The following HSPA14 variants were observed in gnomAD, a reference collection of about 807,000 sequenced individuals.
HSPA14 encodes heat shock protein family A (Hsp70) member 14.
A neutral mutation model predicts 65.5 loss-of-function variants in HSPA14; 37 were observed. The ratio of observed to expected loss-of-function variants is 0.56; its 90% confidence interval spans 0.43 to 0.74. The LOEUF is 0.74. HSPA14 is among the 30% of genes least tolerant of loss of function. HSPA14 has a pLI of 0.00. For missense variants in HSPA14, 564 were observed against 607.6 expected (o/e 0.93, Z 0.75); for synonymous variants, 203 against 214.2 (o/e 0.95, Z 0.46).
chr10:14,871,682 A>G lies in HSPA14; in HGVS notation c.*76A>G. 1 of 752,382 alleles carries G rather than the reference A, an allele frequency of 1.3e-6. No homozygotes were observed. The highest frequency in any genetic ancestry group is 2.2e-6 in the Non-Finnish European group (1 of 446,224). The allele number at this position is 752,382 out of a possible 1,614,324, so 46.6% of individuals were successfully genotyped here. ...TTTGTGTATAAGTGGTGTTTGTATT[A>G]AAATACTTTTTCAATGAACTGTATA... is the stretch of plus-strand genomic sequence containing the variant. On this transcript the variant is annotated 3_prime_UTR_variant, in exon 14 of 14. Coordinates refer to ENST00000378372, the MANE Select transcript of HSPA14 (RefSeq NM_016299.4).
At chr10:14,870,464 G>A in intron 12 of HSPA14, 133 bp from the exon 13 acceptor site, 1 of 922,964 alleles carries the variant, frequency 1.1e-6, no homozygotes, top group South Asian at 1.7e-5. Context: ...AGTGGTAGGA[G>A]AATTGAAAAC....
At chr10:14,858,718 G>A (rs367937521) in intron 10 of HSPA14, among the ~76,000 whole-genome samples, 4 of 152,298 alleles carry the variant, frequency 2.6e-5, no homozygotes, top group African/African-American at 7.2e-5. Context: ...ATCCTCTTAC[G>A]GGGAACGGGG....
rs1240083430 is a variant in HSPA14, at chr10:14,838,424, C to G, written c.22C>G (p.Leu8Val). The G allele has an allele frequency of 1.2e-6, 2 of 1,606,542 alleles. No individual in the cohort carries two copies. The highest frequency in any genetic ancestry group is 2.2e-5 in the South Asian group (2 of 90,028). MAAIGVH[L>V]GCTSACVAVY... is the part of the protein sequence containing the mutation. ...CCTCATGGCGGCCATCGGAGTTCACCTGGGCTGCACCTCAGCCTGTGTGGC... is the reference window on the plus strand; with the variant it reads ...CCTCATGGCGGCCATCGGAGTTCACGTGGGCTGCACCTCAGCCTGTGTGGC... The change falls in exon 1 of 14, where the codon CTG becomes GTG. Residue 8 changes from leucine (L) to valine (V), a missense_variant. Transcript: ENST00000378372.
Position 14,867,234 on chromosome 10 carries a change from A to G in HSPA14, c.1145A>G (p.Glu382Gly). ...GAAGCAGGAATTCTTATTGGGAAAG[A>G]AAACCTGTTGGTGGAAGACTCTCTT... is the stretch of plus-strand genomic sequence containing the variant. ...AIEAGILIGK[E>G]NLLVEDSLMI... Residue 382 changes from glutamate to glycine, a missense_variant, in exon 11 of 14, where the codon GAA becomes GGA. Physicochemically the swap from Glu to Gly is moderately conservative, Grantham distance 98 (BLOSUM62 -2). Coordinates refer to ENST00000378372, the MANE Select transcript of HSPA14 (RefSeq NM_016299.4). 1 of 1,613,894 alleles carries G rather than the reference A, an allele frequency of 6.2e-7. No individual in the cohort carries two copies.
intron 12 of HSPA14, among the ~76,000 whole-genome samples, chr10:14,869,139 A>C (rs1832832287): frequency 6.6e-6 from 1 of 152,058 alleles, no homozygotes. Flanking sequence ...ATATATGCAC[A>C]TTCAGAGAAG....
chr10:14,861,417 C>T (rs1832749340), intron 10 of HSPA14, among the ~76,000 whole-genome samples: 1 of 152,158 alleles, frequency 6.6e-6, no homozygotes, highest in Non-Finnish European at 1.5e-5. Flanking sequence ...CCCCTGTCTC[C>T]CAGGCTCAAG....
chr10:14,863,632 T>C (rs1832776103), intron 10 of HSPA14, among the ~76,000 whole-genome samples: 1 of 152,186 alleles, frequency 6.6e-6, no homozygotes, highest in South Asian at 2.1e-4. Flanking sequence ...TAATAACCTC[T>C]TCTAAGGTTG....
At position 14,850,034 on chromosome 10, in the gene HSPA14, G is replaced by T. The variant is rs80207253; in HGVS notation, c.467+223G>T. Among the ~76,000 whole-genome samples, 861 of 152,028 alleles carry T rather than the reference G, an allele frequency of 5.7e-3. 2 individuals carry two copies. Among genetic ancestry groups the T allele is most frequent in the Middle Eastern group, 0.027 (8 of 294 alleles). ...AATCCCAACACTTTGGGACACTGAC[G>T]GGGGGGCGGCGGGTGGACCACCTGA... On this transcript the variant is annotated intron_variant, in intron 6 of 13. Transcript: ENST00000378372.
chr10:14,865,220 T>C (rs1012985185), intron 10 of HSPA14, among the ~76,000 whole-genome samples: 31 of 152,352 alleles, frequency 2.0e-4, no homozygotes, highest in South Asian at 6.2e-4. Flanking sequence ...TTGTGGATAT[T>C]AGCCCTTTGT....
At chr10:14,841,795 T>C (rs533353361) in intron 3 of HSPA14, among the ~76,000 whole-genome samples, 3 of 152,346 alleles carry the variant, frequency 2.0e-5, no homozygotes, top group South Asian at 2.1e-4. Flanking sequence ...TGAGCATCTT[T>C]CAGATTGCTA....
chr10:14,871,219 T>C (rs905160087), intron 13 of HSPA14, among the ~76,000 whole-genome samples: 1 of 152,154 alleles, frequency 6.6e-6, no homozygotes, highest in African/African-American at 2.4e-5. Flanking sequence ...GGCTTGAAAA[T>C]AGCATGGTGC....
intron 3 of HSPA14, chr10:14,843,515 G>A (rs201317494): frequency 1.2e-5 from 18 of 1,550,552 alleles, no homozygotes; most frequent in South Asian, 1.2e-5. Context: ...AGCACTCCTG[G>A]GGTAGCCTCC....
intron 8 of HSPA14, 125 bp from the exon 9 acceptor site, chr10:14,854,000 G>A (rs954342568): frequency 1.2e-5 from 11 of 902,432 alleles, no homozygotes; most frequent in African/African-American, 1.7e-5. Context: ...TTACACGCGT[G>A]AGCCACCGCA....
chr10:14,843,732 T>A (rs1429194770), intron 3 of HSPA14: 12 of 1,537,106 alleles, frequency 7.8e-6, no homozygotes, highest in Non-Finnish European at 1.0e-5. Context: ...TGATTGCTAT[T>A]GGTGAGGAGG....
intron 10 of HSPA14, among the ~76,000 whole-genome samples, chr10:14,866,505 G>A (rs1004932209): frequency 6.6e-6 from 1 of 152,184 alleles, no homozygotes; most frequent in Non-Finnish European, 1.5e-5. Flanking sequence ...CAACTTAAGG[G>A]ATTTACAGTT....
intron 6 of HSPA14, among the ~76,000 whole-genome samples, chr10:14,850,333 G>A (rs371223464): frequency 1.3e-5 from 2 of 151,500 alleles, no homozygotes; most frequent in African/African-American, 4.9e-5. Flanking sequence ...TGTTTCGATC[G>A]GAAACATTTT....
At chr10:14,843,876 T>G in intron 3 of HSPA14, 1 of 1,536,366 alleles carries the variant, frequency 6.5e-7, no homozygotes, top group South Asian at 1.2e-5. Flanking sequence ...AGAGGTTGAT[T>G]TCGAATACCA....
At position 14,842,343 on chromosome 10, in the gene HSPA14, T is replaced by C. The variant is rs1833984465; in HGVS notation, c.221+2186T>C. 6 of 1,536,122 alleles carry C rather than the reference T, an allele frequency of 3.9e-6. No homozygotes were observed. Among genetic ancestry groups the C allele is most frequent in the Non-Finnish European group, 5.2e-6 (6 of 1,146,902 alleles). On this transcript the variant is annotated intron_variant, in intron 3 of 13. Transcript: ENST00000378372. This position sits in a 1 kb window ranked among gnomAD's most constrained non-coding sequence, Gnocchi z 5.2. ...TGGTCCAGACAGGAGACACGAACTC[T>C]TCTCTCCATACTAGGCGAGGCAGAG...
intron 13 of HSPA14, 80 bp from the exon 14 acceptor site, chr10:14,871,448 G>T: frequency 3.9e-6 from 3 of 775,140 alleles, no homozygotes; most frequent in South Asian, 1.6e-5. Flanking sequence ...TTTACTGAAA[G>T]CCCTCAAGTA....
Sources: gnomAD v4.1 joint callset for allele counts (sites outside exome capture counted in the v4.1 genomes callset) on GRCh38, gnomAD v4.1.1 for gene constraint, Gnocchi (gnomAD v3.1) non-coding constraint, MANE v1.5 for transcripts, NCBI Gene and HGNC (gene_info 2026-07-23, HGNC 2026-07-21) for gene names.